NSUN6: variants seen among roughly 807,000 people sequenced by gnomAD.
NSUN6 encodes the protein tRNA (cytosine(72)-C(5))-methyltransferase NSUN6.
In NSUN6, 64 loss-of-function variants were observed where a neutral mutation model predicts 58.0. The ratio of observed to expected loss-of-function variants is 1.10; its 90% confidence interval spans 0.90 to 1.36. The LOEUF is 1.36. NSUN6 is among the 40% of genes most tolerant of loss of function. The pLI is 0.00. For synonymous variants in NSUN6, 231 were observed against 193.9 expected (o/e 1.19, Z -1.59); for missense variants, 701 against 550.1 (o/e 1.27, Z -2.74).
At chr10:18,625,978 C>A (rs1455245826) in intron 3 of NSUN6, among the ~76,000 whole-genome samples, 1 of 151,932 alleles carries the variant, frequency 6.6e-6, no homozygotes, top group Non-Finnish European at 1.5e-5. Context: ...AACGACCAGA[C>A]TCAGCCAACT....
chr10:18,656,693 T>G (rs2059781072), upstream of NSUN6, among the ~76,000 whole-genome samples: 1 of 152,234 alleles, frequency 6.6e-6, no homozygotes. Flanking sequence ...CCGAGTTGTT[T>G]GACATTTTTC....
chr10:18,586,432 G>A (rs1344182906), intron 7 of NSUN6, among the ~76,000 whole-genome samples: 3 of 152,186 alleles, frequency 2.0e-5, no homozygotes, highest in African/African-American at 4.8e-5. Context: ...CCTGACTTCA[G>A]GAGTGAAGCC....
intron 3 of NSUN6, among the ~76,000 whole-genome samples, chr10:18,619,190 G>C (rs535620175): frequency 1.1e-3 from 168 of 152,318 alleles, no homozygotes; most frequent in African/African-American, 3.9e-3. Context: ...TGCTGCTCCA[G>C]AGTGGTGTCA....
chr10:18,626,244 A>T (rs986184978), intron 3 of NSUN6, among the ~76,000 whole-genome samples: 1 of 152,048 alleles, frequency 6.6e-6, no homozygotes, highest in South Asian at 2.1e-4. Flanking sequence ...TAAAAAAAAA[A>T]AAACAGAAAA....
chr10:18,626,834 G>C (rs2058827225), intron 3 of NSUN6, among the ~76,000 whole-genome samples: 1 of 152,196 alleles, frequency 6.6e-6, no homozygotes, highest in African/African-American at 2.4e-5. Flanking sequence ...GTCTCATTTG[G>C]ATTTCAAGAG....
Position 18,599,744 on chromosome 10 carries a change from C to T in NSUN6, c.658-3417G>A, listed in dbSNP as rs181500688. Among the ~76,000 whole-genome samples, 26 of 152,296 alleles carry T rather than the reference C, an allele frequency of 1.7e-4. No individual in the cohort carries two copies. The East Asian group carries it at 2.7e-3, about 16-fold the overall frequency. ...TTTATTGAATGCTCCCTAGATTGTC[C>T]AACCTCTTTAAATTGTTTACAAGAA... On this transcript the variant is annotated intron_variant, in intron 6 of 10. Coordinates refer to ENST00000377304, the MANE Select transcript of NSUN6 (RefSeq NM_182543.5).
chr10:18,627,010 T>C (rs2058835610), intron 3 of NSUN6, among the ~76,000 whole-genome samples: 1 of 152,240 alleles, frequency 6.6e-6, no homozygotes, highest in Non-Finnish European at 1.5e-5. Flanking sequence ...TAAAAAGTTC[T>C]ACTGATCCAA....
chr10:18,629,398 A>G (rs2058946801), intron 3 of NSUN6, among the ~76,000 whole-genome samples: 1 of 151,966 alleles, frequency 6.6e-6, no homozygotes, highest in Non-Finnish European at 1.5e-5. Context: ...AAATTCACAC[A>G]TAACAATATT....
intron 4 of NSUN6, among the ~76,000 whole-genome samples, chr10:18,615,361 T>C (rs892406831): frequency 2.6e-5 from 4 of 152,160 alleles, no homozygotes; most frequent in Non-Finnish European, 4.4e-5. Flanking sequence ...CTGACAACAA[T>C]AGCGAACAGC....
intron 9 of NSUN6, among the ~76,000 whole-genome samples, chr10:18,549,609 C>T (rs749529110): frequency 6.6e-6 from 1 of 152,060 alleles, no homozygotes; most frequent in Non-Finnish European, 1.5e-5. Flanking sequence ...CAATGCTGTA[C>T]CGTCAACATC....
chr10:18,572,673 C>T (rs1351880934), intron 8 of NSUN6, among the ~76,000 whole-genome samples: 2 of 149,674 alleles, frequency 1.3e-5, no homozygotes, highest in East Asian at 4.0e-4. Flanking sequence ...TTCCATTCTC[C>T]ATTCTCTTCC....
At chr10:18,551,419 C>T (rs931087670) in intron 9 of NSUN6, among the ~76,000 whole-genome samples, 31 of 152,210 alleles carry the variant, frequency 2.0e-4, no homozygotes, top group Non-Finnish European at 3.1e-4. Flanking sequence ...TTATCCCAAA[C>T]TGCAAGTCTA....
chr10:18,651,457 C>A lies in NSUN6; in HGVS notation c.-254G>T. On this transcript the variant is annotated 5_prime_UTR_variant, in exon 1 of 11. Coordinates refer to ENST00000377304, the MANE Select transcript of NSUN6 (RefSeq NM_182543.5). Reference sequence around the variant, plus strand: ...CTGGTAGAGATGCTCATGGAAATCACTGAGCCAATGCCACTCACGTTGCAA... The same window carrying A: ...CTGGTAGAGATGCTCATGGAAATCAATGAGCCAATGCCACTCACGTTGCAA... The A allele has an allele frequency of 1.7e-6, 2 of 1,193,726 alleles. No individual in the cohort carries two copies. The highest frequency in any genetic ancestry group is 2.1e-6 in the Non-Finnish European group (2 of 962,896). The allele number at this position is 1,193,726 out of a possible 1,614,324, so 73.9% of individuals were successfully genotyped here. A position where few individuals can be genotyped will look rare whatever the true frequency, so the allele number is the denominator to read the frequency against.
At chr10:18,643,884 G>A (rs1223155820) in intron 2 of NSUN6, among the ~76,000 whole-genome samples, 3 of 152,156 alleles carry the variant, frequency 2.0e-5, no homozygotes, top group Admixed American at 1.3e-4. Context: ...TCGATTAGAA[G>A]CATGTTAATA....
At chr10:18,642,682 TC>T in intron 2 of NSUN6, 127 bp from the exon 3 acceptor site, 1 of 531,066 alleles carries the variant, frequency 1.9e-6, no homozygotes, top group Non-Finnish European at 3.4e-6. Context: ...TTCACCTTAT[TC>T]CACGGGATAC....
intron 8 of NSUN6, among the ~76,000 whole-genome samples, chr10:18,554,840 T>C (rs1366417263): frequency 6.7e-6 from 1 of 148,492 alleles, no homozygotes; most frequent in African/African-American, 2.5e-5. Context: ...GAAAACGGCA[T>C]GGAATGGAAT....
At chr10:18,638,947 T>TTA (rs559493899) in intron 3 of NSUN6, among the ~76,000 whole-genome samples, 27 of 107,074 alleles carry the variant, frequency 2.5e-4, no homozygotes, top group Admixed American at 5.3e-4. Context: ...TTGACAATGT[T>TTA]AAAAAAAAAA....
At chr10:18,633,050 T>C (rs1028899041) in intron 3 of NSUN6, among the ~76,000 whole-genome samples, 31 of 151,804 alleles carry the variant, frequency 2.0e-4, no homozygotes, top group Admixed American at 3.9e-4. Flanking sequence ...ATGTGTCACA[T>C]ATACACCATG....
At chr10:18,651,694 G>A (rs2059711725), upstream of NSUN6, 19 of 985,768 alleles carry the variant, frequency 1.9e-5, no homozygotes, top group Non-Finnish European at 2.2e-5. Flanking sequence ...CCAATCCACA[G>A]CCGCAAGTTT....
Sources: allele counts gnomAD v4.1 joint callset (sites outside exome capture counted in the v4.1 genomes callset), GRCh38; gene constraint gnomAD v4.1.1; transcripts MANE v1.5; gene names NCBI Gene and HGNC (gene_info 2026-07-23, HGNC 2026-07-21).